The following RYR2 variants were observed in gnomAD, a reference collection of about 807,000 sequenced individuals.
RYR2 encodes ryanodine receptor 2, also known as cardiac muscle ryanodine receptor-calcium release channel.
RYR2 carries 227 observed loss-of-function variants against 601.1 expected under a neutral mutation model. That is an observed-to-expected ratio of 0.38 (90% confidence interval 0.34 to 0.42). The LOEUF (loss-of-function observed/expected upper bound fraction) is 0.42, where lower values mean the gene tolerates loss of function less well. Ranked by LOEUF, RYR2 falls within the 10% of genes least tolerant of loss-of-function variation. RYR2 has a pLI of 1.00. For synonymous variants in RYR2, 2,223 were observed against 2,175.1 expected (o/e 1.02, Z -0.61); for missense variants, 4,646 against 6,156.5 (o/e 0.75, Z 8.21).
intron 89 of RYR2, among the ~76,000 whole-genome samples, chr1:237,782,103 GT>G (rs1355075175): frequency 6.6e-6 from 1 of 151,372 alleles, no homozygotes; most frequent in Non-Finnish European, 1.5e-5. Context: ...GCTGGCAGTG[GT>G]AGTCTTGTTC....
In RYR2 at chr1:237,369,516, T is replaced by C; in HGVS notation, c.310-18T>C. 1 of 1,553,410 alleles carries C rather than the reference T, an allele frequency of 6.4e-7. No individual in the cohort carries two copies. Among genetic ancestry groups the C allele is most frequent in the Non-Finnish European group, 8.7e-7 (1 of 1,146,644 alleles). On this transcript the variant is annotated intron_variant, in intron 5 of 104. Coordinates refer to ENST00000366574, the MANE Select transcript of RYR2 (RefSeq NM_001035.3). ...GTGTTTTTCTCTCTTGTTCTCCTTT[T>C]TTCTCTTCTCTCTAAAGACTGCTCA...
intron 5 of RYR2, among the ~76,000 whole-genome samples, chr1:237,367,587 TA>T (rs11330863): frequency 0.33 from 49,723 of 151,864 alleles, 8,394 homozygotes; most frequent in East Asian, 0.43. Context: ...CTGTACTTCT[TA>T]AGGCACAGGT....
chr1:237,233,378 T>A (rs1196906286), intron 1 of RYR2, among the ~76,000 whole-genome samples: 1 of 152,216 alleles, frequency 6.6e-6, no homozygotes, highest in African/African-American at 2.4e-5. Flanking sequence ...CTCAGCTACA[T>A]CAGTTGAACA....
At chr1:237,442,029 C>T (rs1296215305) in intron 13 of RYR2, among the ~76,000 whole-genome samples, 1 of 152,180 alleles carries the variant, frequency 6.6e-6, no homozygotes, top group Non-Finnish European at 1.5e-5. Flanking sequence ...ATAGTAGGTG[C>T]TCAATAAATG....
At chr1:237,445,167 G>A (rs1708220316) in intron 13 of RYR2, among the ~76,000 whole-genome samples, 1 of 151,918 alleles carries the variant, frequency 6.6e-6, no homozygotes, top group African/African-American at 2.4e-5. Context: ...GGGCAACATA[G>A]CAAGACCCCA....
chr1:237,764,632 A>C lies in RYR2; in HGVS notation c.11476+3604A>C, dbSNP rs555868070. ...TGGCTAATTTTTGTATTTTTAGTAG[A>C]GATGGGGTTTCACCATCTTGGCCAG... On this transcript the variant is annotated intron_variant, in intron 84 of 104. Coordinates refer to ENST00000366574, the MANE Select transcript of RYR2 (RefSeq NM_001035.3). Among the ~76,000 whole-genome samples the C allele has an allele frequency of 6.6e-5, 10 of 151,790 alleles. No homozygotes were observed. The East Asian group carries it at 1.8e-3, about 27-fold the overall frequency.
At chr1:237,057,524 C>T (rs377386286) in intron 1 of RYR2, among the ~76,000 whole-genome samples, 1 of 152,050 alleles carries the variant, frequency 6.6e-6, no homozygotes, top group Non-Finnish European at 1.5e-5. Flanking sequence ...GGAGTCTCTG[C>T]GAGGAGGTTG....
intron 5 of RYR2, among the ~76,000 whole-genome samples, chr1:237,365,367 T>C (rs1233662075): frequency 6.6e-6 from 1 of 152,222 alleles, no homozygotes; most frequent in Non-Finnish European, 1.5e-5. Flanking sequence ...CCAGGTGCAT[T>C]GTGGGACACC....
chr1:237,303,598 C>T (rs915620524), intron 2 of RYR2, among the ~76,000 whole-genome samples: 4 of 152,142 alleles, frequency 2.6e-5, no homozygotes, highest in South Asian at 2.1e-4. Flanking sequence ...CTGCGCCCAG[C>T]TGGTTATCCT....
At chr1:237,786,592 A>G (rs1057208637) in intron 91 of RYR2, among the ~76,000 whole-genome samples, 11 of 152,272 alleles carry the variant, frequency 7.2e-5, no homozygotes, top group Non-Finnish European at 1.3e-4. Context: ...ATTTTCACCA[A>G]CACTCCTGGG....
chr1:237,773,441 C>T (rs1694423628), intron 86 of RYR2, 79 bp from the exon 87 acceptor site: 3 of 928,550 alleles, frequency 3.2e-6, no homozygotes, highest in Admixed American at 2.0e-5. Flanking sequence ...ACTTCTCAGG[C>T]ATAAAGTCCA....
In RYR2 at chr1:237,315,363, A is replaced by G. The variant is rs552110776; in HGVS notation, c.169-15515A>G. Among the ~76,000 whole-genome samples the G allele has an allele frequency of 6.6e-5, 10 of 152,250 alleles. No individual in the cohort carries two copies. In the East Asian group the frequency reaches 1.9e-3, roughly 29 times the overall value. ...CAGCATAAACCAAAATTTTTAGACC[A>G]TCATCAAGTTTTTACATTATTTTAA... On this transcript the variant is annotated intron_variant, in intron 2 of 104. Coordinates refer to ENST00000366574, the MANE Select transcript of RYR2 (RefSeq NM_001035.3).
chr1:237,350,750 A>G (rs893795147), intron 3 of RYR2, among the ~76,000 whole-genome samples: 17 of 151,130 alleles, frequency 1.1e-4, no homozygotes, highest in Admixed American at 4.6e-4. Flanking sequence ...CTGAATTTAC[A>G]TGAATCTAAT....
intron 35 of RYR2, among the ~76,000 whole-genome samples, chr1:237,609,032 CTCCCT>C (rs1389982805): frequency 1.3e-5 from 2 of 150,490 alleles, no homozygotes; most frequent in Non-Finnish European, 3.0e-5. Flanking sequence ...CCTTCCCTCC[CTCCCT>C]TCCTTCCTTC....
intron 1 of RYR2, among the ~76,000 whole-genome samples, chr1:237,252,588 G>A (rs535528606): frequency 6.6e-6 from 1 of 152,172 alleles, no homozygotes; most frequent in Non-Finnish European, 1.5e-5. Flanking sequence ...AGTCTTATGT[G>A]TTGAATGAAT....
Position 237,492,824 on chromosome 1 carries a change from AAAGGAAGG to A in RYR2, c.1828-90_1828-83del, listed in dbSNP as rs748804324. 550 of 775,478 alleles carry A rather than the reference AAAGGAAGG, an allele frequency of 7.1e-4. 3 individuals carry two copies. Among genetic ancestry groups the A allele is most frequent in the East Asian group, 4.5e-3 (149 of 32,900 alleles). 48.0% of individuals were successfully genotyped at this position (775,478 alleles called of 1,614,324 possible). On this transcript the variant is annotated intron_variant, in intron 18 of 104. Transcript: ENST00000366574. ...GGGTGACAGAGTGAGATGCTGTCTGAAAGGAAGGAAGGAAGGAAGGAAGGAAGGAAGGA... is the reference window on the plus strand; with the variant it reads ...GGGTGACAGAGTGAGATGCTGTCTGAAAGGAAGGAAGGAAGGAAGGAAGGA...
chr1:237,071,818 C>G (rs1483890828), intron 1 of RYR2, among the ~76,000 whole-genome samples: 2 of 152,222 alleles, frequency 1.3e-5, no homozygotes, highest in Admixed American at 1.3e-4. Flanking sequence ...GCTCTCAGCC[C>G]CACCCGGCTC....
rs889069195 is a variant in RYR2 at position 237,352,273 on chromosome 1, T to C, written c.274-3692T>C. 6.6e-5 allele frequency among the ~76,000 whole-genome samples: 10 copies of C among 151,930 alleles called. No individual in the cohort carries two copies. The East Asian group carries it at 1.3e-3, about 20-fold the overall frequency. ...GCAAAGTCACAGCTCACTATAAAAATTCAGTTATATCAGTTATATTTTTAT... is the reference window on the plus strand; with the variant it reads ...GCAAAGTCACAGCTCACTATAAAAACTCAGTTATATCAGTTATATTTTTAT... On this transcript the variant is annotated intron_variant, in intron 3 of 104. Transcript: ENST00000366574.
At chr1:237,310,479 C>T (rs1230019893) in intron 2 of RYR2, among the ~76,000 whole-genome samples, 1 of 152,178 alleles carries the variant, frequency 6.6e-6, no homozygotes, top group Non-Finnish European at 1.5e-5. Context: ...CTTAGGTAAA[C>T]AGCTGATTTA....
Sources: allele counts gnomAD v4.1 joint callset (sites outside exome capture counted in the v4.1 genomes callset), GRCh38; gene constraint gnomAD v4.1.1; transcripts MANE v1.5; gene names NCBI Gene and HGNC (gene_info 2026-07-23, HGNC 2026-07-21).